SGPP2: variants seen among roughly 807,000 people sequenced by gnomAD.
The protein encoded by SGPP2 is sphingosine 1-phosphate phosphohydrolase 2.
In SGPP2, 30 loss-of-function variants were observed where a neutral mutation model predicts 33.9. The observed-to-expected ratio is 0.89, with a 90% CI of 0.66 to 1.20. The LOEUF is 1.20. Ranked by LOEUF, SGPP2 falls within the 50% of genes most tolerant of loss-of-function variation. SGPP2 has a pLI of 0.00. For synonymous variants in SGPP2, 233 were observed against 225.0 expected, an observed-to-expected ratio of 1.04 and a Z score of -0.32; for missense variants, 458 against 532.1, an observed-to-expected ratio of 0.86 and a Z score of 1.37.
At chr2:222,526,135 A>T (rs1352072747) in intron 4 of SGPP2, among the ~76,000 whole-genome samples, 2 of 152,230 alleles carry the variant, frequency 1.3e-5, no homozygotes, top group Non-Finnish European at 2.9e-5. Flanking sequence ...AGTGCTAAAA[A>T]TCTCAGGAAT....
intron 4 of SGPP2, among the ~76,000 whole-genome samples, chr2:222,557,828 G>C (rs1371263516): frequency 2.0e-5 from 3 of 152,150 alleles, no homozygotes; most frequent in Admixed American, 2.0e-4. Context: ...GAAGAACTTT[G>C]GTGCTACCAC....
intron 1 of SGPP2, among the ~76,000 whole-genome samples, chr2:222,438,924 G>C (rs1697284873): frequency 6.6e-6 from 1 of 152,178 alleles, no homozygotes; most frequent in Non-Finnish European, 1.5e-5. Context: ...ACCAGTCAGG[G>C]AGCCAATGGG....
chr2:222,467,768 TG>T (rs1300865066), intron 1 of SGPP2, among the ~76,000 whole-genome samples: 1 of 151,700 alleles, frequency 6.6e-6, no homozygotes, highest in Non-Finnish European at 1.5e-5. Context: ...AGTTGTACCC[TG>T]TGTAGATTTT....
At chr2:222,425,651 G>A (rs1367818342) in intron 1 of SGPP2, among the ~76,000 whole-genome samples, 1 of 152,230 alleles carries the variant, frequency 6.6e-6, no homozygotes, top group Non-Finnish European at 1.5e-5. Context: ...GGGAGCACTG[G>A]CAGCACCTGC....
chr2:222,439,224 A>T (rs960770082), intron 1 of SGPP2, among the ~76,000 whole-genome samples: 1 of 152,122 alleles, frequency 6.6e-6, no homozygotes, highest in Admixed American at 6.6e-5. Flanking sequence ...TTGGGGAAGG[A>T]TGGGAGAAAG....
At chr2:222,440,345 T>C (rs1697306023) in intron 1 of SGPP2, among the ~76,000 whole-genome samples, 1 of 61,674 alleles carries the variant, frequency 1.6e-5, no homozygotes, top group East Asian at 3.9e-4. Context: ...TTTTTGTTTT[T>C]GTTTTTGTTT....
intron 4 of SGPP2, among the ~76,000 whole-genome samples, chr2:222,547,939 T>C (rs1351485566): frequency 6.6e-6 from 1 of 152,200 alleles, no homozygotes; most frequent in Non-Finnish European, 1.5e-5. Flanking sequence ...TAAGATTTAA[T>C]GAAGGAACTA....
At chr2:222,479,512 C>A (rs1195768072) in intron 2 of SGPP2, among the ~76,000 whole-genome samples, 2 of 150,360 alleles carry the variant, frequency 1.3e-5, no homozygotes, top group Non-Finnish European at 2.9e-5. Flanking sequence ...ACACCATTCT[C>A]CTGCCTCAGC....
chr2:222,426,242 A>G (rs1028226322), intron 1 of SGPP2, among the ~76,000 whole-genome samples: 1 of 151,452 alleles, frequency 6.6e-6, no homozygotes, highest in African/African-American at 2.4e-5. Context: ...AAAGACCAAA[A>G]CAAACAAACA....
At chr2:222,454,333 G>C (rs1697538257) in intron 1 of SGPP2, among the ~76,000 whole-genome samples, 1 of 152,192 alleles carries the variant, frequency 6.6e-6, no homozygotes. Flanking sequence ...TATATCTGCT[G>C]TCTGGATTTG....
chr2:222,512,371 G>C (rs1233121576), intron 2 of SGPP2, among the ~76,000 whole-genome samples: 1 of 151,794 alleles, frequency 6.6e-6, no homozygotes, highest in African/African-American at 2.4e-5. Context: ...GGAAAGTATA[G>C]AGTTCTCATA....
rs958336987 is a variant in SGPP2, at chr2:222,460,952, A to G, written c.220-13616A>G. Among the ~76,000 whole-genome samples, 4 of 152,156 alleles carry G rather than the reference A, an allele frequency of 2.6e-5. No homozygotes were observed. The highest frequency in any genetic ancestry group is 9.7e-5 in the African/African-American group (4 of 41,426). Reference sequence around the variant, plus strand: ...CACTCTGTTGCCCAGGCTGAAGTGCAGTGGCATGATAATAGCTCACTGCAG... The same window carrying G: ...CACTCTGTTGCCCAGGCTGAAGTGCGGTGGCATGATAATAGCTCACTGCAG... On this transcript the variant is annotated intron_variant, in intron 1 of 4. Transcript: ENST00000321276. This position sits in a 1 kb window ranked among gnomAD's most constrained non-coding sequence, Gnocchi z 4.3.
At position 222,452,971 on chromosome 2, in the gene SGPP2, CATT is replaced by C. The variant is rs1214325328; in HGVS notation, c.220-21596_220-21594del. On this transcript the variant is annotated intron_variant, in intron 1 of 4. Transcript: ENST00000321276. ...AGGTATTTCTGTCTCTGAAATCTAT[CATT>C]GAGTACACACAGCTGGGTGGAAGAG... The C allele has an allele frequency of 5.0e-6, 8 of 1,584,780 alleles. No individual in the cohort carries two copies. In the African/African-American group the frequency reaches 1.1e-4, roughly 21 times the overall value.
chr2:222,558,678 A>G lies in SGPP2; in HGVS notation c.980A>G (p.Lys327Arg), dbSNP rs1480650587. The part of the protein sequence containing the change: ...TTYMLVLGLT[K>R]FAVGIVLILL... ...TACATGTTAGTTTTGGGTCTGACCA[A>G]ATTTGCAGTGGGAATTGTGTTGATC... Residue 327 changes from lysine (K) to arginine (R), a missense_variant, in exon 5 of 5, where the codon AAA becomes AGA. Coordinates refer to ENST00000321276, the MANE Select transcript of SGPP2 (RefSeq NM_152386.4). 5 of 1,614,104 alleles carry G rather than the reference A, an allele frequency of 3.1e-6. No individual in the cohort carries two copies. Among genetic ancestry groups the G allele is most frequent in the East Asian group, 4.5e-5 (2 of 44,882 alleles).
chr2:222,513,272 T>C (rs1422930941), intron 2 of SGPP2, among the ~76,000 whole-genome samples: 1 of 152,240 alleles, frequency 6.6e-6, no homozygotes, highest in Non-Finnish European at 1.5e-5. Context: ...TAGACAAAGC[T>C]ATTCAATTCT....
chr2:222,434,973 T>TAC lies in SGPP2; in HGVS notation c.219+10153_219+10154insCA, dbSNP rs1205339986. The stretch of plus-strand genomic sequence containing the variant: ...GGACAGACCTAACAGAATGGAGATA[T>TAC]ATACACACACACACACACACACACA... On this transcript the variant is annotated intron_variant, in intron 1 of 4. Transcript: ENST00000321276. 8.4e-3 allele frequency among the ~76,000 whole-genome samples: 151 copies of TAC among 17,924 alleles called. 1 individual carries two copies. Among genetic ancestry groups the TAC allele is most frequent in the African/African-American group, 0.024 (123 of 5,044 alleles). The allele number at this position is 17,924 out of a possible 152,430, so 11.8% of individuals were successfully genotyped here.
chr2:222,536,560 G>T (rs1698918224), intron 4 of SGPP2, among the ~76,000 whole-genome samples: 1 of 152,112 alleles, frequency 6.6e-6, no homozygotes, highest in Admixed American at 6.6e-5. Context: ...GGCACCTGTA[G>T]TCCCAGCTAC....
chr2:222,470,476 A>G (rs1172922183), intron 1 of SGPP2, among the ~76,000 whole-genome samples: 1 of 152,154 alleles, frequency 6.6e-6, no homozygotes, highest in East Asian at 1.9e-4. Flanking sequence ...TGTTCCTCAG[A>G]AGAGTTGGAG....
In SGPP2 at chr2:222,550,124, C is replaced by T. The variant is rs756317089; in HGVS notation, c.649-8223C>T. ...TGAACTCGTGACCTCGTGATCCACC[C>T]GCCTCGGCCTCCCAAAGTGCTGGGA... On this transcript the variant is annotated intron_variant, in intron 4 of 4. Transcript: ENST00000321276. This position sits in a 1 kb window ranked among gnomAD's most constrained non-coding sequence, Gnocchi z 4.5. Among the ~76,000 whole-genome samples the T allele has an allele frequency of 5.9e-5, 9 of 152,070 alleles. No individual in the cohort carries two copies. Among genetic ancestry groups the T allele is most frequent in the African/African-American group, 1.9e-4 (8 of 41,406 alleles).
Sources: allele counts gnomAD v4.1 joint callset (sites outside exome capture counted in the v4.1 genomes callset), GRCh38; gene constraint gnomAD v4.1.1; non-coding constraint Gnocchi (gnomAD v3.1); transcripts MANE v1.5; gene names NCBI Gene and HGNC (gene_info 2026-07-23, HGNC 2026-07-21).